The following LNPK variants were observed in gnomAD, a reference collection of about 807,000 sequenced individuals.
LNPK encodes the protein endoplasmic reticulum junction formation protein lunapark.
In LNPK, 29 loss-of-function variants were observed where a neutral mutation model predicts 55.2. The observed-to-expected ratio is 0.53, with a 90% CI of 0.39 to 0.72. LNPK has a LOEUF of 0.72. Ranked by LOEUF, LNPK falls within the 30% of genes least tolerant of loss-of-function variation. The pLI, the probability that LNPK is intolerant of heterozygous loss-of-function variation, is 0.00. For missense variants in LNPK, 467 were observed against 494.8 expected (o/e 0.94, Z 0.53); for synonymous variants, 162 against 168.2 (o/e 0.96, Z 0.29).
intron 8 of LNPK, among the ~76,000 whole-genome samples, chr2:175,951,545 A>C (rs1208288693): frequency 1.4e-5 from 2 of 141,410 alleles, no homozygotes; most frequent in Admixed American, 1.5e-4. Flanking sequence ...GAATGCTGTT[A>C]ATTCATTCCT....
At chr2:175,944,266 T>C (rs1460533408) in intron 9 of LNPK, among the ~76,000 whole-genome samples, 1 of 152,038 alleles carries the variant, frequency 6.6e-6, no homozygotes, top group African/African-American at 2.4e-5. Flanking sequence ...CTGAAAGAAA[T>C]TAATGACATA....
At chr2:175,930,752 TC>T (rs1239566280) in intron 12 of LNPK, among the ~76,000 whole-genome samples, 1 of 152,082 alleles carries the variant, frequency 6.6e-6, no homozygotes, top group East Asian at 1.9e-4. Flanking sequence ...AAGTCAGGTT[TC>T]TATCTTTTCC....
rs1024360782 is a variant in LNPK at position 175,924,548 on chromosome 2, A to G, written c.*5419T>C. On this transcript the variant is annotated 3_prime_UTR_variant, in exon 13 of 13. Coordinates refer to ENST00000272748, the MANE Select transcript of LNPK (RefSeq NM_030650.3). ...GAGGCAGTGTAAAATTCATGGTTCAATACAAATCATCCTGCATTAACAGTT... is the reference window on the plus strand; with the variant it reads ...GAGGCAGTGTAAAATTCATGGTTCAGTACAAATCATCCTGCATTAACAGTT... The G allele has an allele frequency of 1.3e-5, 2 of 152,178 alleles. No individual in the cohort carries two copies. Among genetic ancestry groups the G allele is most frequent in the African/African-American group, 4.8e-5 (2 of 41,444 alleles). The allele number at this position is 152,178 out of a possible 1,614,324, so 9.4% of individuals were successfully genotyped here. A position where few individuals can be genotyped will look rare whatever the true frequency, so the allele number is the denominator to read the frequency against.
intron 1 of LNPK, among the ~76,000 whole-genome samples, chr2:175,996,275 A>G (rs1415325672): frequency 3.9e-5 from 6 of 152,170 alleles, no homozygotes; most frequent in Admixed American, 3.9e-4. Flanking sequence ...TCTGGTAACA[A>G]AGTTTTACCA....
chr2:175,946,482 A>G (rs1337349336), intron 9 of LNPK, among the ~76,000 whole-genome samples: 6 of 152,168 alleles, frequency 3.9e-5, no homozygotes, highest in Admixed American at 6.5e-5. Context: ...ATTTGTATAC[A>G]TTTCATTTAT....
intron 4 of LNPK, among the ~76,000 whole-genome samples, chr2:175,989,176 AC>A (rs1325801130): frequency 6.6e-6 from 1 of 152,188 alleles, no homozygotes; most frequent in Non-Finnish European, 1.5e-5. Flanking sequence ...TTGAGGAAAT[AC>A]CTAACATGTG....
chr2:175,981,950 C>CT (rs999582147), intron 4 of LNPK, among the ~76,000 whole-genome samples: 4 of 152,032 alleles, frequency 2.6e-5, no homozygotes, highest in South Asian at 2.1e-4. Context: ...AGATAATACA[C>CT]TTTTTTTTAA....
At chr2:175,987,022 A>C (rs1490106247) in intron 4 of LNPK, among the ~76,000 whole-genome samples, 1 of 152,062 alleles carries the variant, frequency 6.6e-6, no homozygotes, top group South Asian at 2.1e-4. Context: ...AATTATTGCT[A>C]TTTACAGATT....
chr2:175,980,980 TA>T (rs920044816), intron 4 of LNPK, among the ~76,000 whole-genome samples: 5 of 151,412 alleles, frequency 3.3e-5, no homozygotes, highest in South Asian at 2.1e-4. Flanking sequence ...GTATCTCTTG[TA>T]AAAAAAAATT....
intron 1 of LNPK, among the ~76,000 whole-genome samples, chr2:176,000,625 A>G (rs1026724701): frequency 6.6e-6 from 1 of 152,214 alleles, no homozygotes. Context: ...ATAACCTTGT[A>G]GGTCTTTGAA....
At chr2:175,978,496 T>C (rs1276381636) in intron 5 of LNPK, among the ~76,000 whole-genome samples, 1 of 152,150 alleles carries the variant, frequency 6.6e-6, no homozygotes, top group African/African-American at 2.4e-5. Flanking sequence ...ATTTGGTTGG[T>C]TGGTTGGTTT....
At chr2:175,984,656 A>T (rs377333155) in intron 4 of LNPK, among the ~76,000 whole-genome samples, 1 of 152,188 alleles carries the variant, frequency 6.6e-6, no homozygotes, top group Non-Finnish European at 1.5e-5. Context: ...TAAAACCACA[A>T]TGAGATATTG....
At chr2:175,964,965 ATTAAT>A (rs1211621834) in intron 6 of LNPK, among the ~76,000 whole-genome samples, 9 of 152,324 alleles carry the variant, frequency 5.9e-5, no homozygotes, top group Middle Eastern at 3.4e-3. Context: ...ACTTAATGCT[ATTAAT>A]TTAAAGAAGG....
At chr2:175,948,641 A>G (rs945981942) in intron 8 of LNPK, among the ~76,000 whole-genome samples, 2 of 152,362 alleles carry the variant, frequency 1.3e-5, no homozygotes, top group African/African-American at 4.8e-5. Context: ...AATTCTACCT[A>G]TCACATTAAA....
chr2:175,999,637 C>T (rs1242230022), intron 1 of LNPK, among the ~76,000 whole-genome samples: 5 of 152,194 alleles, frequency 3.3e-5, no homozygotes, highest in African/African-American at 4.8e-5. Context: ...ATTGGACAGA[C>T]GGTTCAACCT....
At position 175,995,561 on chromosome 2, in the gene LNPK, C is replaced by G. The variant is rs894609327; in HGVS notation, c.24G>C (p.Trp8Cys). 9.9e-6 allele frequency: 16 copies of G among 1,609,846 alleles called. No individual in the cohort carries two copies. Among genetic ancestry groups the G allele is most frequent in the Admixed American group, 3.3e-5 (2 of 59,852 alleles). The change falls in exon 2 of 13, where the codon TGG becomes TGC. Residue 8 changes from tryptophan to cysteine, a missense_variant. By Grantham distance (215) the Trp-to-Cys change is radical. Transcript: ENST00000272748. MGGLFSR[W>C]RTKPSTVEVL... is the part of the protein sequence containing the mutation. ...GCTGTAAAGAAAAGTACCTTACCCT[C>G]CATCGAGAAAATAATCCACCCATCT...
intron 9 of LNPK, among the ~76,000 whole-genome samples, chr2:175,944,947 G>A (rs1222372148): frequency 1.3e-5 from 2 of 148,154 alleles, no homozygotes; most frequent in Admixed American, 1.3e-4. Context: ...TTTTTTTTTT[G>A]AGACACAGTG....
intron 12 of LNPK, among the ~76,000 whole-genome samples, chr2:175,931,125 T>G (rs1684262115): frequency 6.6e-6 from 1 of 152,212 alleles, no homozygotes; most frequent in Non-Finnish European, 1.5e-5. Flanking sequence ...GGTATTTCTT[T>G]GTTTATGTAA....
chr2:175,932,721 T>C (rs145549122), intron 12 of LNPK, among the ~76,000 whole-genome samples: 156 of 152,302 alleles, frequency 1.0e-3, no homozygotes, highest in African/African-American at 3.3e-3. Flanking sequence ...AATTTAATAA[T>C]CACAGAGCTT....
Sources: gnomAD v4.1 joint callset for allele counts (sites outside exome capture counted in the v4.1 genomes callset) on GRCh38, gnomAD v4.1.1 for gene constraint, MANE v1.5 for transcripts, NCBI Gene and HGNC (gene_info 2026-07-23, HGNC 2026-07-21) for gene names.